The following SYT16 variants were observed in gnomAD, a reference collection of about 807,000 sequenced individuals.
The protein encoded by SYT16 is synaptotagmin 16.
Under a neutral mutation model 61.4 loss-of-function variants are expected in SYT16, and 42 were observed. The ratio of observed to expected loss-of-function variants is 0.68; its 90% CI spans 0.53 to 0.89. SYT16 has a LOEUF of 0.89. Among genes scored for constraint, SYT16 ranks in the 40% least tolerant of loss-of-function variants. SYT16 has a pLI of 0.00. For missense variants in SYT16, 804 were observed against 807.3 expected, an observed-to-expected ratio of 1.00 and a Z score of 0.05; for synonymous variants, 314 against 302.3, an observed-to-expected ratio of 1.04 and a Z score of -0.40.
intron 1 of SYT16, among the ~76,000 whole-genome samples, chr14:61,834,728 C>T (rs1247240604): frequency 6.6e-6 from 1 of 152,120 alleles, no homozygotes; most frequent in African/African-American, 2.4e-5. Flanking sequence ...TGAGCCACTG[C>T]ACCCAGCCCT....
intron 1 of SYT16, among the ~76,000 whole-genome samples, chr14:61,893,412 A>G (rs2048210164): frequency 6.6e-6 from 1 of 152,302 alleles, no homozygotes. Context: ...ATGGCACTGT[A>G]TAAGAGCTTA....
intron 3 of SYT16, among the ~76,000 whole-genome samples, chr14:62,057,604 G>A (rs761435849): frequency 1.8e-4 from 27 of 152,288 alleles, no homozygotes; most frequent in Admixed American, 6.5e-5. Flanking sequence ...TTTAGGGCAG[G>A]AAGACAAGTA....
chr14:61,852,258 A>G (rs1035059402), intron 1 of SYT16, among the ~76,000 whole-genome samples: 5 of 151,952 alleles, frequency 3.3e-5, no homozygotes, highest in African/African-American at 7.3e-5. Flanking sequence ...TGAGATGTCT[A>G]TTCTGTTCCA....
At chr14:61,973,374 TTTAGCAATTAGTA>T (rs2051645563) in intron 2 of SYT16, among the ~76,000 whole-genome samples, 1 of 152,198 alleles carries the variant, frequency 6.6e-6, no homozygotes, top group African/African-American at 2.4e-5. Context: ...CTATTGTTTA[TTTAGCAATTAGTA>T]TTGCCAAGCA....
intron 1 of SYT16, among the ~76,000 whole-genome samples, chr14:61,955,623 C>CT (rs953705031): frequency 6.6e-6 from 1 of 151,566 alleles, no homozygotes; most frequent in Non-Finnish European, 1.5e-5. Context: ...GGCAGGATTT[C>CT]TTTTTTTTAA....
At chr14:62,094,472 G>A (rs992395841) in intron 7 of SYT16, among the ~76,000 whole-genome samples, 3 of 151,864 alleles carry the variant, frequency 2.0e-5, no homozygotes, top group African/African-American at 7.3e-5. Context: ...TTAGGCACAT[G>A]TTCTTTATTC....
intron 1 of SYT16, among the ~76,000 whole-genome samples, chr14:61,830,025 T>G (rs1227125703): frequency 6.6e-6 from 1 of 151,604 alleles, no homozygotes; most frequent in Non-Finnish European, 1.5e-5. Context: ...GCCCAGCTAG[T>G]GAGTTAAAAA....
chr14:61,893,515 C>A (rs933307241), intron 1 of SYT16, among the ~76,000 whole-genome samples: 1 of 152,154 alleles, frequency 6.6e-6, no homozygotes, highest in African/African-American at 2.4e-5. Flanking sequence ...GCCTTTGTTT[C>A]CTCCTCTCAT....
At chr14:62,001,487 A>C (rs745604510) in intron 3 of SYT16, among the ~76,000 whole-genome samples, 46 of 151,882 alleles carry the variant, frequency 3.0e-4, no homozygotes, top group Non-Finnish European at 5.6e-4. Flanking sequence ...TTTCACTTGG[A>C]GCTTTGAAGA....
Position 62,103,867 on chromosome 14 carries a change from A to G in SYT16, c.*3160A>G, listed in dbSNP as rs1269745852. On this transcript the variant is annotated 3_prime_UTR_variant, in exon 8 of 8. Coordinates refer to ENST00000683842, the MANE Select transcript of SYT16 (RefSeq NM_001367656.1). ...TGCATAGTCATTCGCTTTAGGCACT[A>G]TTAATTCTGACATCCTTCATTGAAA... 1 of 152,216 alleles carries G rather than the reference A, an allele frequency of 6.6e-6. No individual in the cohort carries two copies. Among genetic ancestry groups the G allele is most frequent in the Non-Finnish European group, 1.5e-5 (1 of 68,018 alleles). The allele number at this position is 152,216 out of a possible 1,614,324, so 9.4% of individuals were successfully genotyped here.
chr14:62,056,177 G>A (rs565588135), intron 3 of SYT16, among the ~76,000 whole-genome samples: 1 of 152,000 alleles, frequency 6.6e-6, no homozygotes, highest in Non-Finnish European at 1.5e-5. Flanking sequence ...ACATCACGAC[G>A]TTTGATTATA....
At chr14:62,074,249 A>G (rs1234984932) in intron 4 of SYT16, among the ~76,000 whole-genome samples, 1 of 152,140 alleles carries the variant, frequency 6.6e-6, no homozygotes, top group Non-Finnish European at 1.5e-5. Flanking sequence ...GTGCTGAGAG[A>G]GAAAAGTGTG....
intron 3 of SYT16, among the ~76,000 whole-genome samples, chr14:62,060,708 G>A (rs752615793): frequency 1.3e-5 from 2 of 151,520 alleles, no homozygotes; most frequent in African/African-American, 2.4e-5. Flanking sequence ...ATACATTATT[G>A]GATTTCTTTT....
intron 1 of SYT16, among the ~76,000 whole-genome samples, chr14:61,872,301 T>C (rs1361585540): frequency 6.6e-6 from 1 of 152,208 alleles, no homozygotes; most frequent in Non-Finnish European, 1.5e-5. Context: ...TTTGATACTT[T>C]CATATAATGT....
intron 3 of SYT16, among the ~76,000 whole-genome samples, chr14:62,017,466 C>T (rs1263990721): frequency 1.3e-5 from 2 of 152,138 alleles, no homozygotes; most frequent in Non-Finnish European, 2.9e-5. Flanking sequence ...ATTAGTGTGT[C>T]CAAATCTGAA....
At chr14:61,927,175 C>A (rs929629559) in intron 1 of SYT16, among the ~76,000 whole-genome samples, 1 of 152,216 alleles carries the variant, frequency 6.6e-6, no homozygotes, top group African/African-American at 2.4e-5. Context: ...GCTTCTGTGA[C>A]CCTCTTGGTT....
intron 1 of SYT16, among the ~76,000 whole-genome samples, chr14:61,905,065 G>A (rs1019765985): frequency 6.6e-5 from 10 of 152,018 alleles, no homozygotes; most frequent in African/African-American, 2.2e-4. Context: ...ATCCCACTTC[G>A]AAAACCTCTC....
At chr14:62,081,875 G>C (rs868756663) in intron 6 of SYT16, among the ~76,000 whole-genome samples, 1 of 152,270 alleles carries the variant, frequency 6.6e-6, no homozygotes, top group African/African-American at 2.4e-5. Flanking sequence ...CACGTTAACA[G>C]ATCAGGGAGC....
Position 62,081,180 on chromosome 14 carries a change from G to C in SYT16, c.1340G>C (p.Arg447Thr). ...GCTGCCCGGAAGATGACCCGAGAGAGAATGATGGGAGAGAAACTATTCTAT... is the reference window on the plus strand; with the variant it reads ...GCTGCCCGGAAGATGACCCGAGAGACAATGATGGGAGAGAAACTATTCTAT... ...LYAARKMTRE[R>T]MMGEKLFYLS... is the part of the protein sequence containing the mutation. The change falls in exon 6 of 8, where the codon AGA becomes ACA. Residue 447 changes from arginine (R) to threonine (T), a missense_variant. Transcript: ENST00000683842. 1.9e-6 allele frequency: 3 copies of C among 1,613,964 alleles called. No homozygotes were observed. Among genetic ancestry groups the C allele is most frequent in the Non-Finnish European group, 2.5e-6 (3 of 1,179,880 alleles).
Sources: allele counts gnomAD v4.1 joint callset (sites outside exome capture counted in the v4.1 genomes callset), GRCh38; gene constraint gnomAD v4.1.1; transcripts MANE v1.5; gene names NCBI Gene and HGNC (gene_info 2026-07-23, HGNC 2026-07-21).